The following SRGAP1 variants were observed in gnomAD, a reference collection of about 807,000 sequenced individuals.
The protein encoded by SRGAP1 is SLIT-ROBO Rho GTPase activating protein 1, also known as SLIT-ROBO Rho GTPase-activating protein 1.
Under a neutral mutation model 121.9 loss-of-function variants are expected in SRGAP1, and 43 were observed. The observed-to-expected ratio is 0.35, with a 90% CI of 0.28 to 0.46. The LOEUF (loss-of-function observed/expected upper bound fraction) is 0.46, where lower values mean the gene tolerates loss of function less well. Ranked by LOEUF, SRGAP1 falls within the 20% of genes least tolerant of loss-of-function variation. The pLI is 1.00. For synonymous variants in SRGAP1, 447 were observed against 485.4 expected (o/e 0.92, Z 1.04); for missense variants, 1,102 against 1,350.9 (o/e 0.82, Z 2.89).
intron 4 of SRGAP1, among the ~76,000 whole-genome samples, chr12:64,017,363 G>A (rs1459589126): frequency 1.3e-5 from 2 of 152,116 alleles, no homozygotes; most frequent in Non-Finnish European, 2.9e-5. Flanking sequence ...AGAATATTTT[G>A]TTTAAAATTG....
In SRGAP1 at chr12:64,059,089, C is replaced by T. The variant is rs769111497; in HGVS notation, c.802-3828C>T. 7.0e-4 allele frequency among the ~76,000 whole-genome samples: 106 copies of T among 152,178 alleles called. 1 individual carries two copies. Among genetic ancestry groups the T allele is most frequent in the Non-Finnish European group, 1.1e-3 (77 of 68,002 alleles). The stretch of plus-strand genomic sequence containing the variant: ...GCTCAGAAGACACCTGGGGAGGCTC[C>T]TCTATCAGTTAGTAAGCCACATGCA... On this transcript the variant is annotated intron_variant, in intron 6 of 21. Transcript: ENST00000355086.
At chr12:63,908,934 A>C (rs754055316) in intron 1 of SRGAP1, among the ~76,000 whole-genome samples, 1 of 151,792 alleles carries the variant, frequency 6.6e-6, no homozygotes, top group Non-Finnish European at 1.5e-5. Flanking sequence ...CTCTGTCACC[A>C]GGTTGGAGTG....
intron 1 of SRGAP1, among the ~76,000 whole-genome samples, chr12:63,942,782 G>A (rs543253101): frequency 1.3e-5 from 2 of 152,268 alleles, no homozygotes; most frequent in East Asian, 3.9e-4. Context: ...CCGTCTCCCA[G>A]CGCAGACGCT....
chr12:64,065,433 A>G (rs1296409449), intron 8 of SRGAP1, among the ~76,000 whole-genome samples: 1 of 152,196 alleles, frequency 6.6e-6, no homozygotes, highest in African/African-American at 2.4e-5. Context: ...ACTCAACTGC[A>G]TATACATGTA....
At chr12:63,886,170 C>T (rs1386051454) in intron 1 of SRGAP1, among the ~76,000 whole-genome samples, 1 of 152,148 alleles carries the variant, frequency 6.6e-6, no homozygotes, top group East Asian at 1.9e-4. Flanking sequence ...AAGCAATTCT[C>T]CTGCCTCAGC....
At chr12:64,045,624 TG>T (rs2035114580) in intron 6 of SRGAP1, among the ~76,000 whole-genome samples, 1 of 151,936 alleles carries the variant, frequency 6.6e-6, no homozygotes, top group African/African-American at 2.4e-5. Flanking sequence ...TTAGTAGAGA[TG>T]GGGATTTACC....
At chr12:63,965,256 T>G (rs1449397556) in intron 1 of SRGAP1, among the ~76,000 whole-genome samples, 1 of 152,174 alleles carries the variant, frequency 6.6e-6, no homozygotes. Flanking sequence ...AGACAGTATA[T>G]GAACACATCA....
chr12:64,016,821 C>T lies in SRGAP1; in HGVS notation c.427-129C>T, dbSNP rs1309906802. The T allele has an allele frequency of 4.2e-5, 23 of 545,960 alleles. No individual in the cohort carries two copies. In the East Asian group the frequency reaches 4.6e-4, roughly 11 times the overall value. The allele number at this position is 545,960 out of a possible 1,614,324, so 33.8% of individuals were successfully genotyped here. A position where few individuals can be genotyped will look rare whatever the true frequency, so the allele number is the denominator to read the frequency against. On this transcript the variant is annotated intron_variant, in intron 3 of 21. Coordinates refer to ENST00000355086, the MANE Select transcript of SRGAP1 (RefSeq NM_020762.4). Reference sequence around the variant, plus strand: ...GTCTAGAGTTTACAAAGGGCCATTCCGTTAAAGATGTTTACTACAGAGGCT... The same window carrying T: ...GTCTAGAGTTTACAAAGGGCCATTCTGTTAAAGATGTTTACTACAGAGGCT...
rs748521489 is a variant in SRGAP1, at chr12:64,152,260, C to T, written c.*9588C>T. ...ATCTTTATCCGTAAGAAAATTAAGC[C>T]GCAGGAGTTAAACACTTGCCCTGGT... On this transcript the variant is annotated 3_prime_UTR_variant, in exon 22 of 22. Coordinates refer to ENST00000355086, the MANE Select transcript of SRGAP1 (RefSeq NM_020762.4). 5 of 152,026 alleles carry T rather than the reference C, an allele frequency of 3.3e-5. No homozygotes were observed. Among genetic ancestry groups the T allele is most frequent in the South Asian group, 2.1e-4 (1 of 4,818 alleles). 9.4% of individuals were successfully genotyped at this position (152,026 alleles called of 1,614,324 possible). A position where few individuals can be genotyped will look rare whatever the true frequency, so the allele number is the denominator to read the frequency against.
intron 8 of SRGAP1, among the ~76,000 whole-genome samples, chr12:64,078,200 A>G (rs1156939532): frequency 2.0e-5 from 3 of 152,204 alleles, no homozygotes; most frequent in Admixed American, 2.0e-4. Context: ...CAGCAATTCT[A>G]TTCATATATG....
intron 1 of SRGAP1, among the ~76,000 whole-genome samples, chr12:63,862,523 CCTT>C (rs1419373574): frequency 6.6e-6 from 1 of 152,190 alleles, no homozygotes; most frequent in East Asian, 1.9e-4. Context: ...GCAAACAGCT[CCTT>C]CTCACAGACC....
At chr12:63,928,672 G>A (rs1243637705) in intron 1 of SRGAP1, among the ~76,000 whole-genome samples, 2 of 151,986 alleles carry the variant, frequency 1.3e-5, no homozygotes, top group Non-Finnish European at 2.9e-5. Context: ...GGGCGGTGGT[G>A]GGGATGGTTT....
intron 8 of SRGAP1, among the ~76,000 whole-genome samples, chr12:64,070,544 G>A (rs747761848): frequency 6.6e-6 from 1 of 152,192 alleles, no homozygotes; most frequent in Non-Finnish European, 1.5e-5. Context: ...TGAGGGGAAT[G>A]TACAATGAGA....
intron 1 of SRGAP1, among the ~76,000 whole-genome samples, chr12:63,894,771 T>C (rs1900699368): frequency 2.0e-5 from 3 of 152,208 alleles, no homozygotes; most frequent in Non-Finnish European, 4.4e-5. Context: ...GGTTTCCAGC[T>C]TCATCCATGT....
chr12:63,958,472 T>C (rs2136376022), intron 1 of SRGAP1, among the ~76,000 whole-genome samples: 1 of 152,350 alleles, frequency 6.6e-6, no homozygotes, highest in East Asian at 1.9e-4. Flanking sequence ...GTTTTCATAG[T>C]GGCCATTAAC....
intron 15 of SRGAP1, among the ~76,000 whole-genome samples, chr12:64,107,564 A>C (rs2036364397): frequency 6.6e-6 from 1 of 152,200 alleles, no homozygotes; most frequent in South Asian, 2.1e-4. Context: ...TGATGTTTGT[A>C]ACCTTGCAAC....
chr12:63,865,590 A>C (rs894910408), intron 1 of SRGAP1, among the ~76,000 whole-genome samples: 7 of 152,208 alleles, frequency 4.6e-5, no homozygotes, highest in Non-Finnish European at 7.3e-5. Flanking sequence ...AGATACTTGA[A>C]GAAGTGGCAG....
intron 8 of SRGAP1, among the ~76,000 whole-genome samples, chr12:64,068,063 G>C (rs1490795616): frequency 6.6e-6 from 1 of 152,034 alleles, no homozygotes; most frequent in Non-Finnish European, 1.5e-5. Flanking sequence ...CAGATTGCCT[G>C]AGCTCAAGAG....
intron 1 of SRGAP1, among the ~76,000 whole-genome samples, chr12:63,895,731 T>C (rs1464363407): frequency 1.3e-5 from 2 of 152,222 alleles, no homozygotes; most frequent in Admixed American, 6.5e-5. Flanking sequence ...CTTCCAGTTA[T>C]ACCTAAAGTG....
Sources: allele counts gnomAD v4.1 joint callset (sites outside exome capture counted in the v4.1 genomes callset), GRCh38; gene constraint gnomAD v4.1.1; transcripts MANE v1.5; gene names NCBI Gene and HGNC (gene_info 2026-07-23, HGNC 2026-07-21).